Variants in EDA observed in about 807,000 individuals in gnomAD.
EDA encodes the protein ectodysplasin-A.
Under a neutral mutation model 23.6 loss-of-function variants are expected in EDA, and 2 were observed. The observed-to-expected ratio is 0.08, with a 90% CI of 0.03 to 0.27. EDA has a LOEUF of 0.27. Among genes scored for constraint, EDA ranks in the 10% least tolerant of loss-of-function variants. EDA has a pLI of 1.00. For synonymous variants in EDA, 131 were observed against 132.0 expected (o/e 0.99, Z 0.05); for missense variants, 229 against 324.2 (o/e 0.71, Z 2.26).
intron 2 of EDA, among the ~76,000 whole-genome samples, chrX:69,973,855 G>A (rs1441984413): frequency 9.0e-6 from 1 of 111,168 alleles, no homozygotes; most frequent in African/African-American, 3.3e-5. Context: ...AATCCCCTAT[G>A]TTGAATTTGC....
intron 1 of EDA, among the ~76,000 whole-genome samples, chrX:69,842,182 A>G (rs759004897): frequency 9.0e-6 from 1 of 111,350 alleles, no homozygotes; most frequent in East Asian, 2.8e-4. Context: ...CAGTGGCATT[A>G]GATTCTCATA....
At chrX:69,897,422 G>A (rs1288717790) in intron 1 of EDA, among the ~76,000 whole-genome samples, 2 of 111,899 alleles carry the variant, frequency 1.8e-5, no homozygotes, top group Non-Finnish European at 3.8e-5. Flanking sequence ...AGAGAAAAGG[G>A]AGAAACTTTG....
intron 1 of EDA, chrX:69,756,756 G>C (rs747114922): frequency 9.0e-6 from 1 of 111,596 alleles, no homozygotes; most frequent in Non-Finnish European, 1.9e-5. Context: ...GCTTCGTTGC[G>C]CTGACTGCAA....
intron 1 of EDA, among the ~76,000 whole-genome samples, chrX:69,784,063 G>C (rs367677511): frequency 9.6e-6 from 1 of 104,711 alleles, no homozygotes; most frequent in Non-Finnish European, 2.0e-5. Flanking sequence ...CATTTTTCAT[G>C]TGTTTTTTGG....
chrX:69,678,503 A>G (rs895492433), intron 1 of EDA, among the ~76,000 whole-genome samples: 151 of 111,314 alleles, frequency 1.4e-3, no homozygotes, highest in African/African-American at 4.9e-3. Context: ...TTCCTTGAGC[A>G]GTGGTTTGTA....
chrX:69,638,943 C>T (rs772860684), intron 1 of EDA, among the ~76,000 whole-genome samples: 1 of 109,696 alleles, frequency 9.1e-6, no homozygotes, highest in South Asian at 4.0e-4. Context: ...TCTCCCCTCC[C>T]CCCAGCCCCT....
At chrX:69,639,657 T>C (rs1324580985) in intron 1 of EDA, among the ~76,000 whole-genome samples, 2 of 112,002 alleles carry the variant, frequency 1.8e-5, no homozygotes, top group Non-Finnish European at 1.9e-5. Flanking sequence ...ATATTCTAGA[T>C]ATTAACCTCT....
chrX:69,941,351 A>G (rs1387145563), intron 1 of EDA, among the ~76,000 whole-genome samples: 2 of 111,793 alleles, frequency 1.8e-5, no homozygotes, highest in African/African-American at 3.2e-5. Flanking sequence ...GATGTATCCA[A>G]TGCTGAAAGT....
intron 1 of EDA, among the ~76,000 whole-genome samples, chrX:69,795,153 G>A (rs1011538269): frequency 9.0e-6 from 1 of 111,150 alleles, no homozygotes; most frequent in Non-Finnish European, 1.9e-5. Context: ...AGCCTCCCAA[G>A]TAGCTTAATG....
intron 2 of EDA, chrX:69,957,483 A>G (rs1169159637): frequency 5.6e-6 from 1 of 177,246 alleles, no homozygotes; most frequent in Non-Finnish European, 1.0e-5. Context: ...CATCTCAAAA[A>G]AAAAAAAACA....
intron 1 of EDA, among the ~76,000 whole-genome samples, chrX:69,675,151 T>TAA (rs11447527): frequency 1.5e-4 from 16 of 107,209 alleles, no homozygotes; most frequent in Admixed American, 9.1e-4. Context: ...GCCAGCTAAT[T>TAA]AAAAAAAATT....
intron 2 of EDA, among the ~76,000 whole-genome samples, chrX:69,979,277 C>G (rs1190564392): frequency 8.9e-6 from 1 of 112,187 alleles, no homozygotes; most frequent in East Asian, 2.8e-4. Flanking sequence ...TATGAATATA[C>G]TATATTTTAT....
At chrX:69,731,569 G>A (rs1369943497) in intron 1 of EDA, among the ~76,000 whole-genome samples, 1 of 110,307 alleles carries the variant, frequency 9.1e-6, no homozygotes, top group Non-Finnish European at 1.9e-5. Context: ...AACCTCCTGA[G>A]TAGCTGAGAT....
intron 2 of EDA, 104 bp from the exon 3 acceptor site, chrX:70,023,114 C>T (rs1298979311): frequency 6.2e-6 from 3 of 485,002 alleles, no homozygotes; most frequent in Non-Finnish European, 3.4e-6. Context: ...GAGACTCCCT[C>T]AAATTTGCAG....
chrX:70,028,133 T>C, intron 4 of EDA, 97 bp downstream of exon 4: 1 of 1,139,029 alleles, frequency 8.8e-7, no homozygotes, highest in Non-Finnish European at 1.2e-6. Flanking sequence ...ACGGTGGAGA[T>C]GGGGTTGGTG....
intron 1 of EDA, among the ~76,000 whole-genome samples, chrX:69,625,177 A>G (rs758442490): frequency 6.3e-5 from 7 of 111,387 alleles, no homozygotes; most frequent in African/African-American, 2.0e-4. Flanking sequence ...GTGAACAGGC[A>G]CATATAATAC....
At chrX:69,744,056 A>T (rs1050442413) in intron 1 of EDA, among the ~76,000 whole-genome samples, 2 of 111,583 alleles carry the variant, frequency 1.8e-5, no homozygotes, top group Admixed American at 9.5e-5. Flanking sequence ...GTTGACTTGG[A>T]TATCCTTCTT....
intron 1 of EDA, among the ~76,000 whole-genome samples, chrX:69,807,502 T>A (rs1217893439): frequency 2.9e-5 from 3 of 101,906 alleles, no homozygotes; most frequent in African/African-American, 1.1e-4. Flanking sequence ...ATTTTAGATT[T>A]TGGAGAGTAA....
intron 1 of EDA, among the ~76,000 whole-genome samples, chrX:69,885,585 A>G (rs2017815021): frequency 8.9e-6 from 1 of 112,199 alleles, no homozygotes; most frequent in Admixed American, 9.5e-5. Flanking sequence ...GATGCTGTTC[A>G]TATTTCTCCA....
Sources: gnomAD v4.1 joint callset for allele counts (sites outside exome capture counted in the v4.1 genomes callset) on GRCh38, gnomAD v4.1.1 for gene constraint, MANE v1.5 for transcripts, NCBI Gene and HGNC (gene_info 2026-07-23, HGNC 2026-07-21) for gene names.